TDRD12: variants seen among roughly 807,000 people sequenced by gnomAD.
TDRD12 encodes putative ATP-dependent RNA helicase TDRD12.
A neutral mutation model predicts 133.5 loss-of-function variants in TDRD12; 158 were observed. The observed-to-expected ratio is 1.18, with a 90% CI of 1.04 to 1.35. TDRD12 has a LOEUF of 1.35. TDRD12 is among the 40% of genes most tolerant of loss of function. TDRD12 has a pLI of 0.00. For synonymous variants in TDRD12, 460 were observed against 477.9 expected (o/e 0.96, Z 0.49); for missense variants, 1,443 against 1,321.3 (o/e 1.09, Z -1.43).
intron 8 of TDRD12, among the ~76,000 whole-genome samples, chr19:32,771,237 C>G (rs1229444468): frequency 6.6e-6 from 1 of 152,188 alleles, no homozygotes. Context: ...GTGGCACAGT[C>G]TCAGTTCACT....
chr19:32,824,007 A>G (rs17206198), downstream of TDRD12: 15,571 of 152,360 alleles, frequency 0.1, 1,040 homozygotes, highest in Middle Eastern at 0.18. Flanking sequence ...TCTACTGGGA[A>G]GCTCTGGCTA....
intron 5 of TDRD12, among the ~76,000 whole-genome samples, chr19:32,748,796 T>G (rs1969734421): frequency 6.6e-6 from 1 of 152,260 alleles, no homozygotes; most frequent in African/African-American, 2.4e-5. Flanking sequence ...AATACCTGCC[T>G]CTTCGTTTGC....
chr19:32,755,275 C>A (rs1969959117), intron 6 of TDRD12, among the ~76,000 whole-genome samples: 1 of 152,152 alleles, frequency 6.6e-6, no homozygotes, highest in Admixed American at 6.5e-5. Context: ...AGGAGTCAAA[C>A]TTTTGGATCA....
At chr19:32,823,839 A>C (rs780086532), downstream of TDRD12, among the ~76,000 whole-genome samples, 2 of 152,226 alleles carry the variant, frequency 1.3e-5, no homozygotes, top group African/African-American at 2.4e-5. Context: ...AGTAGACTGC[A>C]GAGTGGGGCT....
chr19:32,818,308 T>G (rs114713915), intron 27 of TDRD12, among the ~76,000 whole-genome samples, 151 bp downstream of exon 27: 2 of 152,152 alleles, frequency 1.3e-5, no homozygotes, highest in African/African-American at 2.4e-5. Flanking sequence ...ATGAAGGTAC[T>G]CAGAGCGGAG....
In TDRD12 at chr19:32,739,613, G is replaced by C. The variant is rs867158081; in HGVS notation, c.320+621G>C. 8.9e-4 allele frequency among the ~76,000 whole-genome samples: 126 copies of C among 140,932 alleles called. 1 individual carries two copies. Among genetic ancestry groups the C allele is most frequent in the African/African-American group, 3.2e-3 (119 of 37,098 alleles). 92.5% of individuals were successfully genotyped at this position (140,932 alleles called of 152,430 possible). ...CCTGGCTGCTGTCTGCATCTCCTGG[G>C]TGCTGTCTGCATCTCCTGGGTGCTC... On this transcript the variant is annotated intron_variant, in intron 3 of 27. Transcript: ENST00000444215.
In TDRD12 at chr19:32,807,520, TATG is replaced by T. The variant is rs1483267891; in HGVS notation, c.2553-26_2553-24del. 5 of 1,408,710 alleles carry T rather than the reference TATG, an allele frequency of 3.5e-6. No individual in the cohort carries two copies. The East Asian group carries it at 1.3e-4, about 36-fold the overall frequency. The allele number at this position is 1,408,710 out of a possible 1,614,324, so 87.3% of individuals were successfully genotyped here. A position where few individuals can be genotyped will look rare whatever the true frequency, so the allele number is the denominator to read the frequency against. ...TTCACATTAACAATTATTACTTACT[TATG>T]ATAAGTCTAGTCATTTCATTTTCAG... is the stretch of plus-strand genomic sequence containing the variant. On this transcript the variant is annotated intron_variant, in intron 21 of 27. Coordinates refer to ENST00000444215, the Ensembl canonical transcript of TDRD12.
intron 8 of TDRD12, among the ~76,000 whole-genome samples, chr19:32,764,699 G>A (rs2145575016): frequency 6.6e-6 from 1 of 152,276 alleles, no homozygotes; most frequent in African/African-American, 2.4e-5. Flanking sequence ...TGAGAAAGAG[G>A]TTTTGAAATA....
At chr19:32,742,865 A>G in exon 4 of TDRD12, 1 of 1,551,816 alleles carries the variant, frequency 6.4e-7, no homozygotes, top group Non-Finnish European at 8.7e-7. Flanking sequence ...CTGTCACATT[A>G]CACATTGACT....
At chr19:32,738,137 C>CA (rs1189391034) in intron 2 of TDRD12, among the ~76,000 whole-genome samples, 3 of 151,188 alleles carry the variant, frequency 2.0e-5, no homozygotes, top group African/African-American at 7.3e-5. Flanking sequence ...AACTCCGTCT[C>CA]AAAAAAAATA....
At chr19:32,791,927 T>A (rs1971084635) in intron 13 of TDRD12, among the ~76,000 whole-genome samples, 1 of 142,626 alleles carries the variant, frequency 7.0e-6, no homozygotes. Flanking sequence ...CATGGACATT[T>A]GAAGAAAGCC....
chr19:32,751,240 A>G (rs9783990), intron 6 of TDRD12, among the ~76,000 whole-genome samples: 86,640 of 151,568 alleles, frequency 0.57, 25,338 homozygotes, highest in East Asian at 0.82. Context: ...TGCTGAGGAT[A>G]ATGGCTTCTA....
intron 11 of TDRD12, among the ~76,000 whole-genome samples, chr19:32,787,706 C>T (rs1436701788): frequency 6.6e-6 from 1 of 152,238 alleles, no homozygotes; most frequent in Non-Finnish European, 1.5e-5. Context: ...GACTGCTGTG[C>T]TAGCATCGAG....
At chr19:32,729,616 A>G (rs1184712939) in intron 1 of TDRD12, among the ~76,000 whole-genome samples, 1 of 151,402 alleles carries the variant, frequency 6.6e-6, no homozygotes, top group African/African-American at 2.4e-5. Context: ...CTATATACAT[A>G]TAGAGTTTCC....
At chr19:32,749,736 A>G (rs1410827636) in intron 5 of TDRD12, 48 bp from the exon 6 acceptor site, 7 of 1,383,012 alleles carry the variant, frequency 5.1e-6, no homozygotes, top group Admixed American at 2.1e-5. Flanking sequence ...ATTGTTTCAA[A>G]TATACTTTTA....
intron 9 of TDRD12, chr19:32,826,742 C>T (rs965918174): frequency 8.1e-7 from 1 of 1,232,142 alleles, no homozygotes. Context: ...ACAGCCACTT[C>T]CCCAAGGGTA....
intron 1 of TDRD12, among the ~76,000 whole-genome samples, chr19:32,726,564 C>T: frequency 6.6e-6 from 1 of 152,036 alleles, no homozygotes; most frequent in East Asian, 1.9e-4. Flanking sequence ...CCTCAGGGTT[C>T]ATTATGTTGT....
At position 32,801,742 on chromosome 19, in the gene TDRD12, G is replaced by T; in HGVS notation, c.2080-14G>T. On this transcript the variant is annotated splice_polypyrimidine_tract_variant and intron_variant, in intron 18 of 27. Transcript: ENST00000444215. Reference sequence around the variant, plus strand: ...TCCCTGACTGTGACCTGGCCTCTTTGATTTCATCTTTAGGTAGTAGAAAGC... The same window carrying T: ...TCCCTGACTGTGACCTGGCCTCTTTTATTTCATCTTTAGGTAGTAGAAAGC... 1 of 1,129,572 alleles carries T rather than the reference G, an allele frequency of 8.9e-7. No homozygotes were observed. The highest frequency in any genetic ancestry group is 1.6e-5 in the South Asian group (1 of 64,338). 70.0% of individuals were successfully genotyped at this position (1,129,572 alleles called of 1,614,324 possible).
At chr19:32,755,415 C>T (rs192996871) in intron 6 of TDRD12, among the ~76,000 whole-genome samples, 1 of 152,316 alleles carries the variant, frequency 6.6e-6, no homozygotes, top group Non-Finnish European at 1.5e-5. Flanking sequence ...TGCAGTAGCA[C>T]CTCATTGTGG....
Sources: gnomAD v4.1 joint callset for allele counts (sites outside exome capture counted in the v4.1 genomes callset) on GRCh38, gnomAD v4.1.1 for gene constraint, MANE v1.5 for transcripts, NCBI Gene and HGNC (gene_info 2026-07-23, HGNC 2026-07-21) for gene names.